The following EPHA7 variants were observed in gnomAD, a reference collection of about 807,000 sequenced individuals.
The protein encoded by EPHA7 is ephrin type-A receptor 7.
In EPHA7, 25 loss-of-function variants were observed where a neutral mutation model predicts 112.6. The ratio of observed to expected loss-of-function variants is 0.22; its 90% CI spans 0.16 to 0.31. EPHA7 has a LOEUF of 0.31. Ranked by LOEUF, EPHA7 falls within the 10% of genes least tolerant of loss-of-function variation. The pLI is 1.00. For synonymous variants in EPHA7, 437 were observed against 406.5 expected (o/e 1.07, Z -0.90); for missense variants, 962 against 1,212.6 (o/e 0.79, Z 3.07).
chr6:93,253,528 C>T (rs1324354372), intron 14 of EPHA7, among the ~76,000 whole-genome samples: 1 of 152,012 alleles, frequency 6.6e-6, no homozygotes, highest in East Asian at 1.9e-4. Context: ...TTAAACACTA[C>T]TTATTTTTTT....
rs761300271 is a variant in EPHA7 at position 93,411,103 on chromosome 6, A to G, written c.230T>C (p.Met77Thr). ...PIRTYQVCQV[M>T]EPNQNNWLRT... is the part of the protein sequence containing the mutation. ...CAGCCAGTTGTTTTGGTTGGGCTCC[A>G]TGACTTGGCACACCTGGTATGTTCG... Residue 77 changes from methionine (M) to threonine (T), a missense_variant, in exon 3 of 17, where the codon ATG becomes ACG. This residue lies in a region of EPHA7 where 160 missense variants were observed against 263.6 expected (regional missense o/e 0.61). Transcript: ENST00000369303. 16 of 1,613,762 alleles carry G rather than the reference A, an allele frequency of 9.9e-6. No homozygotes were observed. In the African/African-American group the frequency reaches 1.5e-4, roughly 15 times the overall value.
chr6:93,388,432 C>T lies in EPHA7; in HGVS notation c.832+22069G>A, dbSNP rs527477209. 2.6e-4 allele frequency among the ~76,000 whole-genome samples: 40 copies of T among 152,262 alleles called. No homozygotes were observed. The South Asian group carries it at 7.2e-3, about 28-fold the overall frequency. On this transcript the variant is annotated intron_variant, in intron 3 of 16. Transcript: ENST00000369303. ...TTTGGATAAGGACATATAATCGGTGCTTCCTGCTTTACAGAAGTTATCTAA... is the reference window on the plus strand; with the variant it reads ...TTTGGATAAGGACATATAATCGGTGTTTCCTGCTTTACAGAAGTTATCTAA...
At chr6:93,297,926 G>T (rs896220396) in intron 5 of EPHA7, among the ~76,000 whole-genome samples, 1 of 152,114 alleles carries the variant, frequency 6.6e-6, no homozygotes, top group Non-Finnish European at 1.5e-5. Flanking sequence ...ATTGATTAGA[G>T]ACGGAATTAT....
At chr6:93,258,730 C>T (rs1770557806) in intron 10 of EPHA7, among the ~76,000 whole-genome samples, 1 of 149,282 alleles carries the variant, frequency 6.7e-6, no homozygotes, top group African/African-American at 2.4e-5. Context: ...AGCATGAGGA[C>T]ACATCAGCAA....
At position 93,283,111 on chromosome 6, in the gene EPHA7, G is replaced by A. The variant is rs150625068; in HGVS notation, c.1325-10689C>T. On this transcript the variant is annotated intron_variant, in intron 5 of 16. Coordinates refer to ENST00000369303, the MANE Select transcript of EPHA7 (RefSeq NM_004440.4). ...TTGGAGAACCTTTATGTCTAGCTAA[G>A]GGATTGTGAATGCACCAATCGGCAC... Among the ~76,000 whole-genome samples the A allele has an allele frequency of 6.3e-3, 961 of 152,310 alleles. 11 individuals are homozygous for A. Among genetic ancestry groups the A allele is most frequent in the African/African-American group, 0.021 (886 of 41,582 alleles).
chr6:93,274,948 G>A (rs1165846663), intron 5 of EPHA7, among the ~76,000 whole-genome samples: 3 of 151,764 alleles, frequency 2.0e-5, no homozygotes, highest in African/African-American at 7.3e-5. Context: ...AAATTAAAGT[G>A]GCATAAGGTA....
chr6:93,312,570 A>C (rs890395563), intron 5 of EPHA7, among the ~76,000 whole-genome samples: 1 of 152,116 alleles, frequency 6.6e-6, no homozygotes, highest in African/African-American at 2.4e-5. Context: ...TAGACCACTA[A>C]AACTTTCTCC....
intron 9 of EPHA7, chr6:93,260,421 G>A (rs879462962): frequency 9.3e-5 from 50 of 537,638 alleles, no homozygotes; most frequent in Non-Finnish European, 1.2e-4. Context: ...AAAAGACAAA[G>A]ATAAGATAGA....
chr6:93,417,440 G>A (rs1779296439), intron 1 of EPHA7, among the ~76,000 whole-genome samples: 1 of 152,124 alleles, frequency 6.6e-6, no homozygotes, highest in South Asian at 2.1e-4. Flanking sequence ...TCACCCCCGC[G>A]CCTTTTATAC....
intron 3 of EPHA7, among the ~76,000 whole-genome samples, chr6:93,375,332 G>A (rs535865462): frequency 9.3e-4 from 141 of 151,848 alleles, no homozygotes; most frequent in Non-Finnish European, 1.6e-3. Flanking sequence ...AAAACTCAGA[G>A]AGGCCAAGCA....
intron 9 of EPHA7, among the ~76,000 whole-genome samples, chr6:93,259,938 A>G (rs1770611920): frequency 6.6e-6 from 1 of 152,000 alleles, no homozygotes. Flanking sequence ...GCAATATTAA[A>G]AACATTTAGA....
At chr6:93,412,111 AAATG>A (rs1484148388) in intron 2 of EPHA7, among the ~76,000 whole-genome samples, 2 of 152,082 alleles carry the variant, frequency 1.3e-5, no homozygotes, top group Non-Finnish European at 1.5e-5. Flanking sequence ...TTAAAAGCCT[AAATG>A]AATGGTTTGT....
chr6:93,419,242 T>A lies in EPHA7; in HGVS notation c.97+3A>T. The A allele has an allele frequency of 6.2e-7, 1 of 1,612,502 alleles. No homozygotes were observed. Among genetic ancestry groups the A allele is most frequent in the South Asian group, 1.1e-5 (1 of 91,014 alleles). On this transcript the variant is annotated splice_donor_region_variant and intron_variant, in intron 1 of 16. Coordinates refer to ENST00000369303, the MANE Select transcript of EPHA7 (RefSeq NM_004440.4). Reference sequence around the variant, plus strand: ...AACAAACTTTGCTTTCCCATCACCTTACCTTCCTTCGCAGCCTGCGCCTCC... The same window carrying A: ...AACAAACTTTGCTTTCCCATCACCTAACCTTCCTTCGCAGCCTGCGCCTCC...
chr6:93,332,015 T>A (rs1360680673), intron 5 of EPHA7, among the ~76,000 whole-genome samples: 2 of 151,676 alleles, frequency 1.3e-5, no homozygotes, highest in African/African-American at 4.8e-5. Context: ...GCTACACACC[T>A]GACATTGTTA....
chr6:93,372,565 T>C (rs148307923), intron 3 of EPHA7, among the ~76,000 whole-genome samples: 17 of 152,294 alleles, frequency 1.1e-4, no homozygotes, highest in African/African-American at 3.8e-4. Context: ...TTGAATGCTA[T>C]AAAATATTTC....
rs544288705 is a variant in EPHA7 at position 93,361,623 on chromosome 6, T to C, written c.833-3212A>G. Among the ~76,000 whole-genome samples, 4 of 152,208 alleles carry C rather than the reference T, an allele frequency of 2.6e-5. No individual in the cohort carries two copies. The East Asian group carries it at 7.7e-4, about 29-fold the overall frequency. On this transcript the variant is annotated intron_variant, in intron 3 of 16. Coordinates refer to ENST00000369303, the MANE Select transcript of EPHA7 (RefSeq NM_004440.4). ...ACTTGGAAATCCAGGCAATTTCTCC[T>C]CTCTCTAAATGCAGCTGGTTTTCTG...
rs759516513 is a variant in EPHA7, at chr6:93,254,804, A to G, written c.2383-8T>C. The G allele has an allele frequency of 1.2e-6, 2 of 1,608,184 alleles. No homozygotes were observed. The highest frequency in any genetic ancestry group is 2.2e-5 in the East Asian group (1 of 44,756). On this transcript the variant is annotated splice_region_variant and splice_polypyrimidine_tract_variant and intron_variant, in intron 13 of 16. Transcript: ENST00000369303. ...TACTGGAATTTTTCCACCCTGTTAT[A>G]AAAAGAAATGAACATTTTAAATATG... is the stretch of plus-strand genomic sequence containing the variant.
At position 93,385,135 on chromosome 6, in the gene EPHA7, T is replaced by C. The variant is rs1396131833; in HGVS notation, c.832+25366A>G. Among the ~76,000 whole-genome samples the C allele has an allele frequency of 2.0e-5, 3 of 152,184 alleles. No homozygotes were observed. The East Asian group carries it at 5.8e-4, about 29-fold the overall frequency. On this transcript the variant is annotated intron_variant, in intron 3 of 16. Coordinates refer to ENST00000369303, the MANE Select transcript of EPHA7 (RefSeq NM_004440.4). ...TCCTTACATAAAATGGCACATTTAC[T>C]ATTAGAACTCATGCTACCCATTTGC...
intron 5 of EPHA7, among the ~76,000 whole-genome samples, chr6:93,280,411 T>C (rs1482420109): frequency 6.6e-6 from 1 of 152,214 alleles, no homozygotes; most frequent in African/African-American, 2.4e-5. Context: ...CACATTTTTC[T>C]GTCTAGTGGC....
Sources: gnomAD v4.1 joint callset for allele counts (sites outside exome capture counted in the v4.1 genomes callset) on GRCh38, gnomAD v4.1.1 for gene constraint, gnomAD v4.1.1 regional missense constraint, MANE v1.5 for transcripts, NCBI Gene and HGNC (gene_info 2026-07-23, HGNC 2026-07-21) for gene names.